Variants in SLC39A11 observed in about 807,000 individuals in gnomAD.
SLC39A11 encodes the protein solute carrier family 39 member 11.
SLC39A11 carries 33 observed loss-of-function variants against 36.1 expected under a neutral mutation model. The ratio of observed to expected loss-of-function variants is 0.91; its 90% CI spans 0.69 to 1.22. SLC39A11 has a LOEUF of 1.22. Among genes scored for constraint, SLC39A11 ranks in the 50% most tolerant of loss-of-function variants. The pLI is 0.00. For synonymous variants in SLC39A11, 166 were observed against 170.3 expected, an observed-to-expected ratio of 0.97 and a Z score of 0.20; for missense variants, 432 against 430.3, an observed-to-expected ratio of 1.00 and a Z score of -0.03.
intron 4 of SLC39A11, among the ~76,000 whole-genome samples, chr17:72,967,397 A>T (rs79276039): frequency 6.4e-5 from 9 of 140,796 alleles, no homozygotes; most frequent in African/African-American, 2.6e-4. Context: ...AGAGAGAGAG[A>T]GAGTGTGTGT....
intron 4 of SLC39A11, among the ~76,000 whole-genome samples, chr17:72,950,245 C>G (rs2085767669): frequency 6.6e-6 from 1 of 152,196 alleles, no homozygotes; most frequent in Non-Finnish European, 1.5e-5. Context: ...CAAACACACA[C>G]AAAAAAGCCT....
At chr17:72,937,122 T>G (rs2084820201) in intron 5 of SLC39A11, among the ~76,000 whole-genome samples, 1 of 152,210 alleles carries the variant, frequency 6.6e-6, no homozygotes, top group Non-Finnish European at 1.5e-5. Context: ...TTTACTATAT[T>G]TGCTCATCCT....
chr17:73,018,896 T>G (rs2058254031), intron 4 of SLC39A11, among the ~76,000 whole-genome samples: 1 of 151,472 alleles, frequency 6.6e-6, no homozygotes, highest in Admixed American at 6.6e-5. Flanking sequence ...CACAAAGGCA[T>G]AACAGAGTCA....
Position 72,871,346 on chromosome 17 carries a change from G to A in SLC39A11, c.431-21542C>T, listed in dbSNP as rs111584869. 9.7e-3 allele frequency among the ~76,000 whole-genome samples: 1,469 copies of A among 152,218 alleles called. 32 individuals are homozygous for A. Among genetic ancestry groups the A allele is most frequent in the African/African-American group, 0.034 (1,392 of 41,524 alleles). On this transcript the variant is annotated intron_variant, in intron 5 of 9. Coordinates refer to ENST00000255559, the MANE Select transcript of SLC39A11 (RefSeq NM_139177.4). ...CAAAGTGCTAGGATTATAGGCATGA[G>A]CCACTGCACCCGGCCTATAACAAGC...
chr17:72,885,011 G>C (rs1222895873), intron 5 of SLC39A11, among the ~76,000 whole-genome samples: 1 of 152,118 alleles, frequency 6.6e-6, no homozygotes, highest in Non-Finnish European at 1.5e-5. Context: ...TTTGACAAAG[G>C]GGCTGGAGCA....
In SLC39A11 at chr17:72,947,963, G is replaced by A. The variant is rs1003822148; in HGVS notation, c.307-88C>T. 2.5e-5 allele frequency: 39 copies of A among 1,543,394 alleles called. No homozygotes were observed. In the African/African-American group the frequency reaches 5.1e-4, roughly 20 times the overall value. On this transcript the variant is annotated intron_variant, in intron 4 of 9. Transcript: ENST00000255559. ...TGGCTCACGGGCGCCAAGGCAACTT[G>A]CCAGTCTCTACCAAGACCGCCACAG...
intron 4 of SLC39A11, among the ~76,000 whole-genome samples, chr17:72,978,530 A>G (rs531446525): frequency 1.3e-5 from 2 of 152,322 alleles, no homozygotes; most frequent in East Asian, 1.9e-4. Flanking sequence ...GCACTGAGGC[A>G]GCCACGCACA....
chr17:72,977,067 C>T (rs1455140682), intron 4 of SLC39A11, among the ~76,000 whole-genome samples: 1 of 152,068 alleles, frequency 6.6e-6, no homozygotes, highest in African/African-American at 2.4e-5. Context: ...TAAGATTACC[C>T]GGTTGGGCCT....
chr17:72,806,739 T>C (rs2077269806), intron 6 of SLC39A11, among the ~76,000 whole-genome samples: 1 of 152,146 alleles, frequency 6.6e-6, no homozygotes, highest in African/African-American at 2.4e-5. Flanking sequence ...CCCGTCACCA[T>C]GCCGGGCTAA....
chr17:73,028,350 C>A (rs939273752), intron 4 of SLC39A11, among the ~76,000 whole-genome samples: 13 of 152,162 alleles, frequency 8.5e-5, no homozygotes, highest in Non-Finnish European at 1.5e-4. Context: ...CCCCACAGAG[C>A]ATCTTCGATA....
chr17:72,740,900 G>A (rs1221107504), intron 6 of SLC39A11, among the ~76,000 whole-genome samples: 3 of 150,926 alleles, frequency 2.0e-5, no homozygotes, highest in Non-Finnish European at 4.4e-5. Flanking sequence ...TCAGCCTCCC[G>A]AGTAGCTGGG....
chr17:72,909,459 C>T (rs559904952), intron 5 of SLC39A11, among the ~76,000 whole-genome samples: 2 of 152,322 alleles, frequency 1.3e-5, no homozygotes, highest in South Asian at 4.1e-4. Context: ...ATGCAACACG[C>T]TCTGGAGAAA....
chr17:72,920,636 C>T (rs1277567830), intron 5 of SLC39A11, among the ~76,000 whole-genome samples: 2 of 147,794 alleles, frequency 1.4e-5, no homozygotes, highest in Non-Finnish European at 3.0e-5. Context: ...ACACACACCT[C>T]CTACCCCCTT....
chr17:73,080,900 G>A (rs9901922), intron 3 of SLC39A11, among the ~76,000 whole-genome samples: 45,760 of 151,710 alleles, frequency 0.3, 7,238 homozygotes, highest in Middle Eastern at 0.49. Context: ...AGCTGAGACC[G>A]CACCACCACA....
chr17:72,657,862 G>A (rs1330023692), intron 7 of SLC39A11, among the ~76,000 whole-genome samples: 1 of 152,200 alleles, frequency 6.6e-6, no homozygotes, highest in South Asian at 2.1e-4. Context: ...AATTTTGACC[G>A]CTTTTAGCCC....
In SLC39A11 at chr17:73,060,108, C is replaced by A. The variant is rs139925500; in HGVS notation, c.147+24700G>T. On this transcript the variant is annotated intron_variant, in intron 3 of 9. Coordinates refer to ENST00000255559, the MANE Select transcript of SLC39A11 (RefSeq NM_139177.4). ...CCTGTAATCCCAGCTACCTGGGAGG[C>A]TAAGGCAGGAGAATTCGCCTGAAGC... is the stretch of plus-strand genomic sequence containing the variant. Among the ~76,000 whole-genome samples the A allele has an allele frequency of 5.6e-3, 838 of 149,198 alleles. 4 individuals carry two copies. Among genetic ancestry groups the A allele is most frequent in the Non-Finnish European group, 8.7e-3 (587 of 67,664 alleles).
intron 6 of SLC39A11, among the ~76,000 whole-genome samples, chr17:72,799,752 G>T (rs1432496337): frequency 6.6e-6 from 1 of 151,750 alleles, no homozygotes; most frequent in Non-Finnish European, 1.5e-5. Flanking sequence ...TGTTGTTTAA[G>T]ATGTTTATCA....
intron 5 of SLC39A11, among the ~76,000 whole-genome samples, chr17:72,901,135 T>C (rs2082375960): frequency 6.6e-6 from 1 of 152,186 alleles, no homozygotes; most frequent in Admixed American, 6.5e-5. Context: ...TTTCTCCTGG[T>C]AGATTTATGA....
In SLC39A11 at chr17:72,704,000, C is replaced by T. The variant is rs1236053004; in HGVS notation, c.671+32650G>A. Among the ~76,000 whole-genome samples the T allele has an allele frequency of 3.9e-5, 6 of 152,156 alleles. No individual in the cohort carries two copies. The East Asian group carries it at 7.7e-4, about 20-fold the overall frequency. ...AAAATTAGCCGGGCATGGTGGCATGCGCCTGTAGTCTCAGCTACTTGGGAG... is the reference window on the plus strand; with the variant it reads ...AAAATTAGCCGGGCATGGTGGCATGTGCCTGTAGTCTCAGCTACTTGGGAG... On this transcript the variant is annotated intron_variant, in intron 7 of 9. Coordinates refer to ENST00000255559, the MANE Select transcript of SLC39A11 (RefSeq NM_139177.4).
Sources: gnomAD v4.1 joint callset for allele counts (sites outside exome capture counted in the v4.1 genomes callset) on GRCh38, gnomAD v4.1.1 for gene constraint, MANE v1.5 for transcripts, NCBI Gene and HGNC (gene_info 2026-07-23, HGNC 2026-07-21) for gene names.